ZNF561: variants seen among roughly 807,000 people sequenced by gnomAD.
ZNF561 encodes zinc finger protein 561.
In ZNF561, 16 loss-of-function variants were observed where a neutral mutation model predicts 16.7. The observed-to-expected ratio is 0.96, with a 90% CI of 0.65 to 1.45. The LOEUF is 1.45. Among genes scored for constraint, ZNF561 ranks in the 40% most tolerant of loss-of-function variants. The pLI, the probability that ZNF561 is intolerant of heterozygous loss-of-function variation, is 0.00. For synonymous variants in ZNF561, 190 were observed against 192.1 expected (o/e 0.99, Z 0.09); for missense variants, 580 against 578.0 (o/e 1.00, Z -0.04).
At position 9,609,196 on chromosome 19, in the gene ZNF561, A is replaced by T. The variant is rs1599214910; in HGVS notation, c.*1004T>A. On this transcript the variant is annotated 3_prime_UTR_variant, in exon 6 of 6. Transcript: ENST00000302851. ...AATACTTTTAGCTAATCTATAATCTATAGAAATAATGTTTATCACAGGCTT... is the reference window on the plus strand; with the variant it reads ...AATACTTTTAGCTAATCTATAATCTTTAGAAATAATGTTTATCACAGGCTT... The T allele has an allele frequency of 1.3e-5, 2 of 152,210 alleles. No individual in the cohort carries two copies. Among genetic ancestry groups the T allele is most frequent in the African/African-American group, 4.8e-5 (2 of 41,450 alleles). 9.4% of individuals were successfully genotyped at this position (152,210 alleles called of 1,614,324 possible). A position where few individuals can be genotyped will look rare whatever the true frequency, so the allele number is the denominator to read the frequency against.
chr19:9,619,556 CCT>C lies in ZNF561; in HGVS notation c.-102_-101del. The C allele has an allele frequency of 8.0e-7, 1 of 1,242,338 alleles. No homozygotes were observed. Among genetic ancestry groups the C allele is most frequent in the African/African-American group, 1.5e-5 (1 of 67,128 alleles). The allele number at this position is 1,242,338 out of a possible 1,614,324, so 77.0% of individuals were successfully genotyped here. ...TAGGTGGATAGAGGCAATCTCCATT[CCT>C]CTTTGTACAGGGTTATTTGCGGTCC... On this transcript the variant is annotated 5_prime_UTR_variant, in exon 2 of 6. Coordinates refer to ENST00000302851, the MANE Select transcript of ZNF561 (RefSeq NM_152289.3).
At position 9,609,710 on chromosome 19, in the gene ZNF561, TAATC is replaced by T. The variant is rs1179905622; in HGVS notation, c.*486_*489del. ...TAGATTTTACAAGGGGACACAGAAATAATCAGCTGTGAAAGGGCACTGGCAGTTA... is the reference window on the plus strand; with the variant it reads ...TAGATTTTACAAGGGGACACAGAAATAGCTGTGAAAGGGCACTGGCAGTTA... On this transcript the variant is annotated 3_prime_UTR_variant, in exon 6 of 6. Transcript: ENST00000302851. 6.5e-6 allele frequency: 1 copy of T among 154,182 alleles called. No homozygotes were observed. The highest frequency in any genetic ancestry group is 1.4e-5 in the Non-Finnish European group (1 of 69,398). The allele number at this position is 154,182 out of a possible 1,614,324, so 9.6% of individuals were successfully genotyped here.
At position 9,617,332 on chromosome 19, in the gene ZNF561, C is replaced by A. The variant is rs372326625; in HGVS notation, c.115-161G>T. On this transcript the variant is annotated intron_variant, in intron 3 of 5. Coordinates refer to ENST00000302851, the MANE Select transcript of ZNF561 (RefSeq NM_152289.3). ...TCTCAGGAGCTCTTGTGTCTAAACA[C>A]TCAAGGTTGACCTCCTACAGGCATA... 8.7e-5 allele frequency: 112 copies of A among 1,294,258 alleles called. No homozygotes were observed. The East Asian group carries it at 1.1e-3, about 13-fold the overall frequency. 80.2% of individuals were successfully genotyped at this position (1,294,258 alleles called of 1,614,324 possible). A position where few individuals can be genotyped will look rare whatever the true frequency, so the allele number is the denominator to read the frequency against.
Position 9,611,266 on chromosome 19 carries a change from C to T in ZNF561, c.395G>A (p.Cys132Tyr), listed in dbSNP as rs779777776. Residue 132 changes from cysteine to tyrosine, a missense_variant, in exon 6 of 6, where the codon TGC becomes TAC. Physicochemically the swap from Cys to Tyr is radical, Grantham distance 194. Coordinates refer to ENST00000302851, the MANE Select transcript of ZNF561 (RefSeq NM_152289.3). ...NCGEVFREQF[C>Y]LKTHMRVQNG... Reference sequence around the variant, plus strand: ...CTGAACTCTCATGTGTGTCTTAAGGCAAAACTGTTCCCTGAAGACCTCTCC... The same window carrying T: ...CTGAACTCTCATGTGTGTCTTAAGGTAAAACTGTTCCCTGAAGACCTCTCC... 2.5e-6 allele frequency: 4 copies of T among 1,613,850 alleles called. No homozygotes were observed. Among genetic ancestry groups the T allele is most frequent in the Non-Finnish European group, 3.4e-6 (4 of 1,179,910 alleles).
chr19:9,612,380 C>T (rs549812166), intron 5 of ZNF561, among the ~76,000 whole-genome samples: 208 of 152,046 alleles, frequency 1.4e-3, no homozygotes, highest in Admixed American at 5.3e-3. Flanking sequence ...TAGCCACATC[C>T]AGCTAATTTT....
Position 9,607,686 on chromosome 19 carries a change from AAAAT to A in ZNF561, c.*2510_*2513del, listed in dbSNP as rs1360325928. 1 of 152,202 alleles carries A rather than the reference AAAAT, an allele frequency of 6.6e-6. No individual in the cohort carries two copies. The highest frequency in any genetic ancestry group is 2.4e-5 in the African/African-American group (1 of 41,444). 9.4% of individuals were successfully genotyped at this position (152,202 alleles called of 1,614,324 possible). ...GTTGAAATTAGTCCAGTAAAGCAAG[AAAAT>A]ATATATATAGGTATAACCTAACGAC... is the stretch of plus-strand genomic sequence containing the variant. On this transcript the variant is annotated 3_prime_UTR_variant, in exon 6 of 6. Transcript: ENST00000302851.
intron 5 of ZNF561, among the ~76,000 whole-genome samples, chr19:9,612,920 C>A (rs568347223): frequency 1.3e-5 from 2 of 152,270 alleles, no homozygotes; most frequent in South Asian, 4.1e-4. Flanking sequence ...CTCAGTCCCC[C>A]AAGGAGCTTG....
chr19:9,616,108 C>A (rs1378498732), intron 4 of ZNF561, among the ~76,000 whole-genome samples: 1 of 152,130 alleles, frequency 6.6e-6, no homozygotes, highest in African/African-American at 2.4e-5. Context: ...AAAGCTGATG[C>A]TGTTGATGAA....
Position 9,607,893 on chromosome 19 carries a change from CAG to C in ZNF561, c.*2305_*2306del, listed in dbSNP as rs1355319308. On this transcript the variant is annotated 3_prime_UTR_variant, in exon 6 of 6. Transcript: ENST00000302851. ...GGGTTTTTTAGTTTTGTTTTTGAGA[CAG>C]AGTCTCGCTCTGTTGTCCAGGCTGG... The C allele has an allele frequency of 2.0e-5, 3 of 152,116 alleles. No individual in the cohort carries two copies. The highest frequency in any genetic ancestry group is 4.4e-5 in the Non-Finnish European group (3 of 68,034). The allele number at this position is 152,116 out of a possible 1,614,324, so 9.4% of individuals were successfully genotyped here.
rs889954231 is a variant in ZNF561, at chr19:9,617,145, A to T, written c.141T>A (p.Ala47=). The part of the protein sequence containing the change: ...YQDSVTFDDV[A]VDFTPEEWAL... The stretch of plus-strand genomic sequence containing the variant: ...CCCACTCCTCTGGGGTGAAGTCCAC[A>T]GCCACATCATCAAACGTCACTGAAT... The change falls in exon 4 of 6, where the codon GCT becomes GCA. Residue 47 remains alanine, a synonymous_variant. Coordinates refer to ENST00000302851, the MANE Select transcript of ZNF561 (RefSeq NM_152289.3). The T allele has an allele frequency of 1.2e-6, 2 of 1,613,292 alleles. No individual in the cohort carries two copies. The highest frequency in any genetic ancestry group is 2.7e-5 in the African/African-American group (2 of 74,906).
chr19:9,614,678 T>G (rs2074522359), intron 4 of ZNF561, among the ~76,000 whole-genome samples: 2 of 152,042 alleles, frequency 1.3e-5, no homozygotes, highest in Admixed American at 1.3e-4. Flanking sequence ...AAGATCTAGA[T>G]AAACAGCATG....
chr19:9,612,944 T>C (rs1309569244), intron 5 of ZNF561, among the ~76,000 whole-genome samples: 2 of 152,080 alleles, frequency 1.3e-5, no homozygotes, highest in African/African-American at 4.8e-5. Context: ...TACAGGTGCA[T>C]GCCAACACGC....
At position 9,610,663 on chromosome 19, in the gene ZNF561, C is replaced by T; in HGVS notation, c.998G>A (p.Gly333Glu). The stretch of plus-strand genomic sequence containing the variant: ...TTCCTTACATTCATAGGGTTTTATT[C>T]CAGTGTGAGTTCTTACATGTTCAGT... ...QLTEHVRTHTGIKPYECKECG... is the reference protein window; with the variant it reads ...QLTEHVRTHTEIKPYECKECG... Residue 333 changes from glycine (G) to glutamate (E), a missense_variant, in exon 6 of 6, where the codon GGA (glycine) becomes GAA (glutamate). By Grantham distance (98) the Gly-to-Glu change is moderately conservative (BLOSUM62 -2). Transcript: ENST00000302851. 1 of 1,614,126 alleles carries T rather than the reference C, an allele frequency of 6.2e-7. No individual in the cohort carries two copies. Among genetic ancestry groups the T allele is most frequent in the Non-Finnish European group, 8.5e-7 (1 of 1,180,022 alleles).
rs1466722057 is a variant in ZNF561 at position 9,608,384 on chromosome 19, T to G, written c.*1816A>C. ...GGCATTTACATACCAGGAAGAGAGC[T>G]CTCGCCAGAAGTTGACCATGCTGGC... On this transcript the variant is annotated 3_prime_UTR_variant, in exon 6 of 6. Coordinates refer to ENST00000302851, the MANE Select transcript of ZNF561 (RefSeq NM_152289.3). The G allele has an allele frequency of 6.6e-6, 1 of 152,018 alleles. No individual in the cohort carries two copies. Among genetic ancestry groups the G allele is most frequent in the Non-Finnish European group, 1.5e-5 (1 of 68,006 alleles). The allele number at this position is 152,018 out of a possible 1,614,324, so 9.4% of individuals were successfully genotyped here.
At position 9,608,451 on chromosome 19, in the gene ZNF561, T is replaced by G. The variant is rs2074389012; in HGVS notation, c.*1749A>C. Reference sequence around the variant, plus strand: ...TCCAGCCTCGAGAAATGTGAGAATATAAATTTGTTTTTAACCTCATTTATT... The same window carrying G: ...TCCAGCCTCGAGAAATGTGAGAATAGAAATTTGTTTTTAACCTCATTTATT... On this transcript the variant is annotated 3_prime_UTR_variant, in exon 6 of 6. Coordinates refer to ENST00000302851, the MANE Select transcript of ZNF561 (RefSeq NM_152289.3). 5 of 152,284 alleles carry G rather than the reference T, an allele frequency of 3.3e-5. No homozygotes were observed. In the South Asian group the frequency reaches 1.0e-3, roughly 32 times the overall value. The allele number at this position is 152,284 out of a possible 1,614,324, so 9.4% of individuals were successfully genotyped here. A position where few individuals can be genotyped will look rare whatever the true frequency, so the allele number is the denominator to read the frequency against.
chr19:9,611,212 C>G lies in ZNF561; in HGVS notation c.449G>C (p.Cys150Ser). ...CACACTGAGGGTGTCTTTTCCATAA[C>G]AATTACCCTCAGAAGTATTCCCTCC... ...QNGGNTSEGN[C>S]YGKDTLSVHK... is the part of the protein sequence containing the mutation. The change falls in exon 6 of 6, where the codon TGT becomes TCT. Residue 150 changes from cysteine to serine, a missense_variant. By Grantham distance (112) the Cys-to-Ser change is moderately radical. Transcript: ENST00000302851. 2 of 1,613,934 alleles carry G rather than the reference C, an allele frequency of 1.2e-6. No individual in the cohort carries two copies. The highest frequency in any genetic ancestry group is 1.7e-6 in the Non-Finnish European group (2 of 1,179,874).
chr19:9,609,859 T>G lies in ZNF561; in HGVS notation c.*341A>C, dbSNP rs2074414150. 5.3e-6 allele frequency: 1 copy of G among 190,092 alleles called. No individual in the cohort carries two copies. The highest frequency in any genetic ancestry group is 1.1e-5 in the Non-Finnish European group (1 of 90,832). 11.8% of individuals were successfully genotyped at this position (190,092 alleles called of 1,614,324 possible). Reference sequence around the variant, plus strand: ...ACATCATCTTGGCTTCTGGTAAATTTTGACATAAATGTGCCACACTGGCAG... The same window carrying G: ...ACATCATCTTGGCTTCTGGTAAATTGTGACATAAATGTGCCACACTGGCAG... On this transcript the variant is annotated 3_prime_UTR_variant, in exon 6 of 6. Transcript: ENST00000302851.
chr19:9,619,151 G>A (rs924597485), intron 2 of ZNF561: 3 of 196,248 alleles, frequency 1.5e-5, no homozygotes, highest in Admixed American at 6.0e-5. Flanking sequence ...CAGATACTTG[G>A]GAGGCTGAGG....
At chr19:9,621,117 G>A (rs967662344) in intron 1 of ZNF561, 45 bp downstream of exon 1, 2 of 152,842 alleles carry the variant, frequency 1.3e-5, no homozygotes, top group Non-Finnish European at 2.9e-5. Context: ...TCATTCCTTT[G>A]CCGCCCCCTG....
Sources: gnomAD v4.1 joint callset for allele counts (sites outside exome capture counted in the v4.1 genomes callset) on GRCh38, gnomAD v4.1.1 for gene constraint, MANE v1.5 for transcripts, NCBI Gene and HGNC (gene_info 2026-07-23, HGNC 2026-07-21) for gene names.